The following SGCG variants were observed in gnomAD, a reference collection of about 807,000 sequenced individuals.
SGCG encodes the protein sarcoglycan gamma, also known as gamma-sarcoglycan.
SGCG carries 26 observed loss-of-function variants against 29.3 expected under a neutral mutation model. The observed-to-expected ratio is 0.89, with a 90% CI of 0.65 to 1.23. The LOEUF is 1.23. Among genes scored for constraint, SGCG ranks in the 50% most tolerant of loss-of-function variants. The probability of loss-of-function intolerance (pLI) is 0.00; values close to 1 mark genes in which losing one functional copy is unlikely to be tolerated. For missense variants in SGCG, 353 were observed against 356.0 expected (o/e 0.99, Z 0.07); for synonymous variants, 145 against 129.7 (o/e 1.12, Z -0.80).
chr13:23,268,526 A>C (rs1880731649), intron 4 of SGCG: 1 of 152,780 alleles, frequency 6.5e-6, no homozygotes. Context: ...TACAGATTAC[A>C]TTTCAGGAGG....
At chr13:23,251,872 A>T (rs1224799655) in intron 4 of SGCG, among the ~76,000 whole-genome samples, 1 of 152,104 alleles carries the variant, frequency 6.6e-6, no homozygotes, top group Non-Finnish European at 1.5e-5. Context: ...GCCAACACAA[A>T]CTTCCAATGT....
intron 7 of SGCG, among the ~76,000 whole-genome samples, chr13:23,323,702 C>T (rs142253830): frequency 1.6e-4 from 24 of 152,232 alleles, no homozygotes; most frequent in Admixed American, 6.5e-4. Flanking sequence ...GCTTAGTCTG[C>T]GTGTCTACTG....
At chr13:23,264,285 C>T (rs1880556302) in intron 4 of SGCG, among the ~76,000 whole-genome samples, 1 of 151,680 alleles carries the variant, frequency 6.6e-6, no homozygotes, top group South Asian at 2.1e-4. Context: ...TATACACCAA[C>T]AGCAACCAAG....
intron 4 of SGCG, among the ~76,000 whole-genome samples, chr13:23,253,301 C>A (rs577845388): frequency 6.6e-6 from 1 of 152,220 alleles, no homozygotes; most frequent in South Asian, 2.1e-4. Context: ...GAACTGTTCG[C>A]CTCAATCTCT....
chr13:23,278,273 G>A lies in SGCG; in HGVS notation c.386-1086G>A, dbSNP rs145561634. ...AACCTGGCCAATATAGTAAAACCCC[G>A]TCTCTACTAAAAATACAAAATTAGC... On this transcript the variant is annotated intron_variant, in intron 4 of 7. Coordinates refer to ENST00000218867, the MANE Select transcript of SGCG (RefSeq NM_000231.3). Among the ~76,000 whole-genome samples the A allele has an allele frequency of 1.8e-3, 275 of 151,998 alleles. 1 individual carries two copies. Among genetic ancestry groups the A allele is most frequent in the South Asian group, 3.5e-3 (17 of 4,800 alleles).
chr13:23,206,413 A>G (rs767302844), intron 2 of SGCG, among the ~76,000 whole-genome samples: 11 of 152,186 alleles, frequency 7.2e-5, no homozygotes, highest in African/African-American at 1.4e-4. Flanking sequence ...GAAGCATGCA[A>G]TATTTGTCCT....
chr13:23,162,512 G>A, the SGCG span, among the ~76,000 whole-genome samples: 1 of 152,178 alleles, frequency 6.6e-6, no homozygotes, highest in South Asian at 2.1e-4. Flanking sequence ...TGTAGTCCCA[G>A]CTACTCCGGA....
chr13:23,265,139 T>A (rs1417735096), intron 4 of SGCG, among the ~76,000 whole-genome samples: 2 of 151,760 alleles, frequency 1.3e-5, no homozygotes, highest in Non-Finnish European at 2.9e-5. Context: ...GCCTATAGAA[T>A]GGGAGAAAAT....
At chr13:23,206,297 A>G (rs759315351) in intron 2 of SGCG, among the ~76,000 whole-genome samples, 6 of 152,230 alleles carry the variant, frequency 3.9e-5, no homozygotes, top group South Asian at 2.1e-4. Context: ...TTGAAATGTG[A>G]AGTCCATTGT....
intron 1 of SGCG, among the ~76,000 whole-genome samples, chr13:23,195,478 C>T (rs1877455324): frequency 6.6e-6 from 1 of 151,494 alleles, no homozygotes; most frequent in Non-Finnish European, 1.5e-5. Flanking sequence ...GTCACTTGCT[C>T]GTTTAAATAA....
chr13:23,191,926 C>T (rs1414974495), intron 1 of SGCG, among the ~76,000 whole-genome samples: 2 of 152,160 alleles, frequency 1.3e-5, no homozygotes, highest in African/African-American at 4.8e-5. Flanking sequence ...TGGCTCACGC[C>T]TGTAATCCCA....
At chr13:23,219,530 G>A (rs932949669) in intron 2 of SGCG, among the ~76,000 whole-genome samples, 6 of 152,100 alleles carry the variant, frequency 3.9e-5, no homozygotes, top group African/African-American at 7.2e-5. Flanking sequence ...TCTAGAAGAG[G>A]AGGATATTTT....
At chr13:23,222,021 T>TA (rs1878690525) in intron 2 of SGCG, among the ~76,000 whole-genome samples, 1 of 152,244 alleles carries the variant, frequency 6.6e-6, no homozygotes, top group Non-Finnish European at 1.5e-5. Flanking sequence ...GGTGATAAGT[T>TA]TGAGTATCTA....
At chr13:23,315,425 T>C (rs930338278) in intron 6 of SGCG, among the ~76,000 whole-genome samples, 1 of 152,214 alleles carries the variant, frequency 6.6e-6, no homozygotes, top group Non-Finnish European at 1.5e-5. Context: ...ATGGCTCAAA[T>C]GCCCATGGTC....
chr13:23,322,444 C>T (rs1178553658), intron 7 of SGCG, among the ~76,000 whole-genome samples: 4 of 152,166 alleles, frequency 2.6e-5, no homozygotes, highest in Non-Finnish European at 4.4e-5. Context: ...GGGCCTCGAT[C>T]CCCCATATGG....
upstream of SGCG, among the ~76,000 whole-genome samples, chr13:23,178,178 C>A (rs1285183962): frequency 6.6e-6 from 1 of 152,112 alleles, no homozygotes; most frequent in South Asian, 2.1e-4. Context: ...TGGGGGCTGG[C>A]AGTTCCCGGA....
chr13:23,292,693 A>G (rs1457947547), intron 5 of SGCG, among the ~76,000 whole-genome samples: 2 of 152,226 alleles, frequency 1.3e-5, no homozygotes, highest in Non-Finnish European at 2.9e-5. Context: ...GAAAATAATT[A>G]CAGAAAACTT....
At chr13:23,244,594 A>G (rs1879627812) in intron 3 of SGCG, 1 of 152,292 alleles carries the variant, frequency 6.6e-6, no homozygotes, top group African/African-American at 2.4e-5. Context: ...ACACATTGTA[A>G]CCAGTGCGCA....
chr13:23,164,016 T>C, the SGCG span, among the ~76,000 whole-genome samples: 2 of 152,188 alleles, frequency 1.3e-5, no homozygotes, highest in East Asian at 3.8e-4. Flanking sequence ...GCATATTAAG[T>C]TCTGGTTGCA....
Sources: gnomAD v4.1 joint callset for allele counts (sites outside exome capture counted in the v4.1 genomes callset) on GRCh38, gnomAD v4.1.1 for gene constraint, MANE v1.5 for transcripts, NCBI Gene and HGNC (gene_info 2026-07-23, HGNC 2026-07-21) for gene names.